LMTK2: variants seen among roughly 807,000 people sequenced by gnomAD.
LMTK2 encodes serine/threonine-protein kinase LMTK2.
LMTK2 carries 37 observed loss-of-function variants against 127.5 expected under a neutral mutation model. The ratio of observed to expected loss-of-function variants is 0.29; its 90% CI spans 0.22 to 0.38. The LOEUF is 0.38. Ranked by LOEUF, LMTK2 falls within the 10% of genes least tolerant of loss-of-function variation. LMTK2 has a pLI of 1.00. For missense variants in LMTK2, 1,694 were observed against 1,920.3 expected (o/e 0.88, Z 2.20); for synonymous variants, 819 against 810.1 (o/e 1.01, Z -0.19).
chr7:98,171,764 A>G lies in LMTK2; in HGVS notation c.791+90A>G. 1 of 1,387,186 alleles carries G rather than the reference A, an allele frequency of 7.2e-7. No individual in the cohort carries two copies. 85.9% of individuals were successfully genotyped at this position (1,387,186 alleles called of 1,614,324 possible). ...CGAGTTTGTGAAACTTAAGGAGGAC[A>G]GGAGGTGGCAGAATGAACCCAGCTC... On this transcript the variant is annotated intron_variant, in intron 7 of 13. Transcript: ENST00000297293. The surrounding 1 kb of genome is among the most constrained non-coding windows in gnomAD (Gnocchi z 5.1).
At chr7:98,153,985 A>G (rs57699757) in intron 4 of LMTK2, among the ~76,000 whole-genome samples, 8,076 of 152,324 alleles carry the variant, frequency 0.053, 629 homozygotes, top group East Asian at 0.36. Context: ...TTTTCAGGAC[A>G]TTAAAATTAA....
At chr7:98,168,407 G>A (rs747115912) in intron 6 of LMTK2, among the ~76,000 whole-genome samples, 1 of 152,238 alleles carries the variant, frequency 6.6e-6, no homozygotes, top group Non-Finnish European at 1.5e-5. Context: ...CTTCGCGGAG[G>A]CGTGGCGGCG....
Position 98,194,193 on chromosome 7 carries a change from T to A in LMTK2, c.3728T>A (p.Leu1243Gln). The change falls in exon 11 of 14, where the codon CTG (leucine) becomes CAG (glutamine). Residue 1243 changes from leucine to glutamine, a missense_variant. Leu to Gln is a moderately radical substitution (Grantham distance 113, BLOSUM62 -2). Coordinates refer to ENST00000297293, the MANE Select transcript of LMTK2 (RefSeq NM_014916.4). The surrounding 1 kb of genome is among the most constrained non-coding windows in gnomAD (Gnocchi z 5.4). ...NELLAYTNSA[L>Q]DKSLSSHSEG... The stretch of plus-strand genomic sequence containing the variant: ...CTCCTTGCCTACACCAATTCTGCGC[T>A]GGACAAGTCCCTGTCCAGCCACTCC... The A allele has an allele frequency of 6.2e-7, 1 of 1,613,920 alleles. No homozygotes were observed. The highest frequency in any genetic ancestry group is 8.5e-7 in the Non-Finnish European group (1 of 1,179,990).
At chr7:98,147,594 C>T (rs1243413542) in intron 3 of LMTK2, among the ~76,000 whole-genome samples, 1 of 152,128 alleles carries the variant, frequency 6.6e-6, no homozygotes, top group East Asian at 1.9e-4. Flanking sequence ...TTTCTCACCT[C>T]CTTCTGGGAC....
chr7:98,184,973 C>G, intron 7 of LMTK2, 78 bp from the exon 8 acceptor site: 2 of 1,007,068 alleles, frequency 2.0e-6, no homozygotes, highest in East Asian at 4.9e-5. Context: ...GAGAGAAAGC[C>G]CATTTCTGTG....
At chr7:98,172,465 A>G (rs934878282) in intron 7 of LMTK2, among the ~76,000 whole-genome samples, 1 of 151,986 alleles carries the variant, frequency 6.6e-6, no homozygotes, top group Non-Finnish European at 1.5e-5. Flanking sequence ...ATAGATGGTG[A>G]TTTTCGTAAT....
intron 3 of LMTK2, among the ~76,000 whole-genome samples, chr7:98,142,897 AC>A (rs1317861621): frequency 6.6e-6 from 1 of 152,234 alleles, no homozygotes; most frequent in East Asian, 1.9e-4. Context: ...CAGCAGCTCC[AC>A]ACCCATTCCC....
Position 98,137,425 on chromosome 7 carries a change from C to T in LMTK2, c.214C>T (p.Pro72Ser), listed in dbSNP as rs747743210. The T allele has an allele frequency of 6.8e-5, 110 of 1,612,812 alleles. No individual in the cohort carries two copies. Among genetic ancestry groups the T allele is most frequent in the Non-Finnish European group, 9.0e-5 (106 of 1,179,526 alleles). Reference protein sequence around the residue: ...IANCVSCCKDPEIDFKEFEDN... With the variant: ...IANCVSCCKDSEIDFKEFEDN... ...AAACTGTGTATCCTGCTGTAAGGAC[C>T]CAGAAATAGACTTTAAGGTGAGCAC... The change falls in exon 2 of 14, where the codon CCA (proline) becomes TCA (serine). Residue 72 changes from proline (P) to serine (S), a missense_variant. Pro to Ser is a moderately conservative substitution (Grantham distance 74). This residue lies in a region of LMTK2 where 6 missense variants were observed against 25.8 expected (regional missense o/e 0.23). Transcript: ENST00000297293.
chr7:98,170,576 TC>T (rs1469157510), intron 6 of LMTK2, among the ~76,000 whole-genome samples: 2 of 151,950 alleles, frequency 1.3e-5, no homozygotes. Context: ...CCTCCAGCCG[TC>T]TTTTCTTGAC....
chr7:98,138,197 G>A (rs1031949920), intron 2 of LMTK2, among the ~76,000 whole-genome samples: 2 of 152,206 alleles, frequency 1.3e-5, no homozygotes, highest in African/African-American at 4.8e-5. Flanking sequence ...AATGTGGCGT[G>A]CAGAGAAAAT....
chr7:98,138,066 C>T (rs928838999), intron 2 of LMTK2, among the ~76,000 whole-genome samples: 1 of 152,140 alleles, frequency 6.6e-6, no homozygotes, highest in Non-Finnish European at 1.5e-5. Flanking sequence ...TAGCAGCAGA[C>T]GGTGGAATGG....
At position 98,193,349 on chromosome 7, in the gene LMTK2, G is replaced by T; in HGVS notation, c.2884G>T (p.Ala962Ser). The T allele has an allele frequency of 6.2e-7, 1 of 1,614,180 alleles. No homozygotes were observed. The highest frequency in any genetic ancestry group is 8.5e-7 in the Non-Finnish European group (1 of 1,180,034). ...QLNSKDAAKE[A>S]GLVSALSSDS... Reference sequence around the variant, plus strand: ...CAATTCTAAAGACGCAGCAAAAGAAGCAGGCTTGGTGTCTGCCCTCTCCTC... The same window carrying T: ...CAATTCTAAAGACGCAGCAAAAGAATCAGGCTTGGTGTCTGCCCTCTCCTC... Residue 962 changes from alanine (A) to serine (S), a missense_variant, in exon 11 of 14, where the codon GCA (alanine) becomes TCA (serine). Physicochemically the swap from Ala to Ser is moderately conservative, Grantham distance 99. Coordinates refer to ENST00000297293, the MANE Select transcript of LMTK2 (RefSeq NM_014916.4). The surrounding 1 kb of genome is among the most constrained non-coding windows in gnomAD (Gnocchi z 4.1).
chr7:98,161,938 G>A (rs1797023233), intron 6 of LMTK2, among the ~76,000 whole-genome samples: 1 of 152,190 alleles, frequency 6.6e-6, no homozygotes, highest in African/African-American at 2.4e-5. Context: ...AGAGCCGGAG[G>A]CAGCATCTAT....
chr7:98,176,833 C>T (rs1303764157), intron 7 of LMTK2, among the ~76,000 whole-genome samples: 2 of 152,148 alleles, frequency 1.3e-5, no homozygotes, highest in African/African-American at 2.4e-5. Context: ...CATGACAGAG[C>T]GAGACTCCAT....
chr7:98,181,818 C>T (rs545835456), intron 7 of LMTK2, among the ~76,000 whole-genome samples: 1 of 150,804 alleles, frequency 6.6e-6, no homozygotes, highest in East Asian at 2.2e-4. Context: ...ACCATCATGC[C>T]CGGCTAATTT....
chr7:98,120,016 C>A (rs1796340257), intron 1 of LMTK2, among the ~76,000 whole-genome samples: 2 of 151,974 alleles, frequency 1.3e-5, no homozygotes, highest in East Asian at 1.9e-4. Context: ...GATGATTGAT[C>A]TGTACAAAAT....
rs551635148 is a variant in LMTK2, at chr7:98,168,117, C to T, written c.658-3424C>T. Among the ~76,000 whole-genome samples the T allele has an allele frequency of 3.3e-5, 5 of 152,058 alleles. No homozygotes were observed. In the South Asian group the frequency reaches 1.0e-3, roughly 32 times the overall value. ...GGGTTCCTGAACAAGGAGCCAGGAC[C>T]GACCAGGCTTCTGAGGAGTTTAACT... On this transcript the variant is annotated intron_variant, in intron 6 of 13. Coordinates refer to ENST00000297293, the MANE Select transcript of LMTK2 (RefSeq NM_014916.4).
chr7:98,170,213 T>C (rs17169422), intron 6 of LMTK2, among the ~76,000 whole-genome samples: 1 of 152,114 alleles, frequency 6.6e-6, no homozygotes, highest in East Asian at 1.9e-4. Flanking sequence ...CATATTGTAT[T>C]TGCAGTAACA....
At position 98,193,847 on chromosome 7, in the gene LMTK2, T is replaced by C. The variant is rs1248769729; in HGVS notation, c.3382T>C (p.Leu1128=). Reference sequence around the variant, plus strand: ...GGTCCCGGGAACCTCCCCATCCGCCTTGGTGTTGGTACAGGAGCAGCCCCT... The same window carrying C: ...GGTCCCGGGAACCTCCCCATCCGCCCTGGTGTTGGTACAGGAGCAGCCCCT... ...EEVPGTSPSA[L]VLVQEQPLPE... is the part of the protein sequence containing the mutation. The change falls in exon 11 of 14, where the codon TTG becomes CTG. Residue 1128 remains leucine (L), a synonymous_variant. Transcript: ENST00000297293. The surrounding 1 kb of genome is among the most constrained non-coding windows in gnomAD (Gnocchi z 4.1). The C allele has an allele frequency of 6.2e-7, 1 of 1,613,792 alleles. No individual in the cohort carries two copies. Among genetic ancestry groups the C allele is most frequent in the Non-Finnish European group, 8.5e-7 (1 of 1,180,018 alleles).
Sources: gnomAD v4.1 joint callset for allele counts (sites outside exome capture counted in the v4.1 genomes callset) on GRCh38, gnomAD v4.1.1 for gene constraint, gnomAD v4.1.1 regional missense constraint, Gnocchi (gnomAD v3.1) non-coding constraint, MANE v1.5 for transcripts, NCBI Gene and HGNC (gene_info 2026-07-23, HGNC 2026-07-21) for gene names.